The following COIL variants were observed in gnomAD, a reference collection of about 807,000 sequenced individuals.
COIL encodes the protein coilin.
COIL carries 28 observed loss-of-function variants against 51.6 expected under a neutral mutation model. The ratio of observed to expected loss-of-function variants is 0.54; its 90% CI spans 0.40 to 0.74. COIL has a LOEUF of 0.74. Among genes scored for constraint, COIL ranks in the 30% least tolerant of loss-of-function variants. The pLI, the probability that COIL is intolerant of heterozygous loss-of-function variation, is 0.00. For synonymous variants in COIL, 233 were observed against 255.8 expected (o/e 0.91, Z 0.85); for missense variants, 667 against 685.9 (o/e 0.97, Z 0.31).
rs768484048 is a variant in COIL at position 56,960,920 on chromosome 17, T to G, written c.100A>C (p.Arg34=). ...ATGAGATCTGTGACGACTCGGCATC[T>G]GTTCAAGTCGACCAGAAGCCAGAAG... ...TAFWLLVDLN[R]CRVVTDLISL... is the part of the protein sequence containing the mutation. The change falls in exon 1 of 7, where the codon AGA becomes CGA. Residue 34 remains arginine, a synonymous_variant. Transcript: ENST00000240316. The G allele has an allele frequency of 6.2e-7, 1 of 1,614,184 alleles. No individual in the cohort carries two copies.
intron 4 of COIL, 90 bp downstream of exon 4, chr17:56,949,297 A>T (rs887169535): frequency 3.9e-6 from 4 of 1,024,164 alleles, no homozygotes; most frequent in African/African-American, 3.4e-5. Context: ...TAGTAAAAAA[A>T]CAAATCTGTA....
intron 1 of COIL, among the ~76,000 whole-genome samples, chr17:56,953,782 T>C (rs3785474): frequency 6.6e-6 from 1 of 152,036 alleles, no homozygotes; most frequent in Non-Finnish European, 1.5e-5. Context: ...AAACTAACTA[T>C]ACAGACAAAC....
intron 1 of COIL, among the ~76,000 whole-genome samples, chr17:56,958,088 C>A (rs1268456160): frequency 1.3e-5 from 2 of 152,230 alleles, no homozygotes; most frequent in African/African-American, 4.8e-5. Context: ...CCAAGTCCAG[C>A]CAGCTTTTGT....
intron 6 of COIL, among the ~76,000 whole-genome samples, chr17:56,941,462 C>T (rs1910146451): frequency 6.6e-6 from 1 of 152,132 alleles, no homozygotes; most frequent in Admixed American, 6.5e-5. Context: ...TCTAGCTACT[C>T]CAGAGGCTGA....
chr17:56,939,687 C>T (rs986231538), intron 6 of COIL, among the ~76,000 whole-genome samples: 3 of 152,010 alleles, frequency 2.0e-5, no homozygotes, highest in African/African-American at 4.8e-5. Context: ...TTGCAGTGAG[C>T]GGAGATCGCG....
At chr17:56,951,138 C>T in intron 1 of COIL, 142 bp from the exon 2 acceptor site, 1 of 819,598 alleles carries the variant, frequency 1.2e-6, no homozygotes, top group Non-Finnish European at 1.8e-6. Flanking sequence ...AGACAAAAGA[C>T]TCTTTCTGGC....
intron 6 of COIL, 138 bp from the exon 7 acceptor site, chr17:56,939,292 T>C (rs895805518): frequency 6.5e-6 from 4 of 619,788 alleles, no homozygotes; most frequent in African/African-American, 1.9e-5. Context: ...CTGAGTTCAA[T>C]TGCAGTATAG....
At chr17:56,949,804 G>A in intron 2 of COIL, 37 bp from the exon 3 acceptor site, 1 of 1,610,284 alleles carries the variant, frequency 6.2e-7, no homozygotes, top group Non-Finnish European at 8.5e-7. Context: ...ATCATCACTG[G>A]TGAGAAAATG....
rs1364230175 is a variant in COIL at position 56,946,530 on chromosome 17, CAAGTCA to C, written c.1489-25_1489-20del. On this transcript the variant is annotated intron_variant, in intron 4 of 6. Transcript: ENST00000240316. Reference sequence around the variant, plus strand: ...TTCCTTCCTTTCAAAAATAAAAGTCCAAGTCAAAATCAACATGTAAAACACTGTGAA... The same window carrying C: ...TTCCTTCCTTTCAAAAATAAAAGTCCAAATCAACATGTAAAACACTGTGAA... The C allele has an allele frequency of 5.8e-6, 9 of 1,565,012 alleles. No individual in the cohort carries two copies. Among genetic ancestry groups the C allele is most frequent in the Non-Finnish European group, 7.0e-6 (8 of 1,137,870 alleles).
At chr17:56,952,207 A>T in intron 1 of COIL, 1 of 500,760 alleles carries the variant, frequency 2.0e-6, no homozygotes, top group Non-Finnish European at 4.0e-6. Flanking sequence ...TGTGAACCTC[A>T]CAGGCAGGCT....
At chr17:56,939,907 C>G (rs1352878607) in intron 6 of COIL, 1 of 152,016 alleles carries the variant, frequency 6.6e-6, no homozygotes, top group Non-Finnish European at 1.5e-5. Context: ...GGACAGGTGG[C>G]CTGGAGACCT....
chr17:56,952,777 C>T (rs1362769667), intron 1 of COIL, among the ~76,000 whole-genome samples: 2 of 151,216 alleles, frequency 1.3e-5, no homozygotes, highest in Non-Finnish European at 2.9e-5. Flanking sequence ...AATCCCATGT[C>T]TGTGAGTGAG....
At chr17:56,948,327 G>A (rs1238606250) in intron 4 of COIL, among the ~76,000 whole-genome samples, 1 of 151,374 alleles carries the variant, frequency 6.6e-6, no homozygotes, top group African/African-American at 2.4e-5. Flanking sequence ...TTTTACTAGA[G>A]ACGGGGTTTC....
In COIL at chr17:56,961,045, A is replaced by G; in HGVS notation, c.-26T>C. On this transcript the variant is annotated 5_prime_UTR_variant, in exon 1 of 7. Coordinates refer to ENST00000240316, the MANE Select transcript of COIL (RefSeq NM_004645.3). Reference sequence around the variant, plus strand: ...CTTGCTTGGTGCTCAACGGAAGCCGAGAGATACCACGGGGCCACCGAGAGG... The same window carrying G: ...CTTGCTTGGTGCTCAACGGAAGCCGGGAGATACCACGGGGCCACCGAGAGG... 6.3e-7 allele frequency: 1 copy of G among 1,594,414 alleles called. No homozygotes were observed. Among genetic ancestry groups the G allele is most frequent in the East Asian group, 2.3e-5 (1 of 44,186 alleles).
At chr17:56,941,788 G>A (rs1484662799) in intron 6 of COIL, among the ~76,000 whole-genome samples, 5 of 152,118 alleles carry the variant, frequency 3.3e-5, no homozygotes, top group Non-Finnish European at 7.4e-5. Context: ...CTTTCCTACT[G>A]GAATCCTTAT....
rs1567856287 is a variant in COIL at position 56,960,961 on chromosome 17, GTAGC to G, written c.55_58del (p.Ala19ProfsTer13). On this transcript the variant is annotated frameshift_variant, in exon 1 of 7. Coordinates refer to ENST00000240316, the MANE Select transcript of COIL (RefSeq NM_004645.3). LOFTEE classifies it high-confidence loss of function. ...AAGCCAGAAGGCCGTACAGTGCGGG[GTAGC>G]TGGCGGCGGGTAATCAAATTGAAGC... 3 of 1,614,196 alleles carry G rather than the reference GTAGC, an allele frequency of 1.9e-6. No individual in the cohort carries two copies.
chr17:56,949,337 T>G (rs1277009357), intron 4 of COIL, 50 bp downstream of exon 4: 7 of 1,442,364 alleles, frequency 4.9e-6, no homozygotes, highest in Middle Eastern at 3.6e-4. Context: ...TAAATATGAC[T>G]TTAGTTTTAA....
At position 56,938,474 on chromosome 17, in the gene COIL, T is replaced by C. The variant is rs909635102; in HGVS notation, c.*597A>G. On this transcript the variant is annotated 3_prime_UTR_variant, in exon 7 of 7. Coordinates refer to ENST00000240316, the MANE Select transcript of COIL (RefSeq NM_004645.3). Reference sequence around the variant, plus strand: ...GGCATACACACACATACGCACATCTTATTTTCACTGCTCTACACAGGGACC... The same window carrying C: ...GGCATACACACACATACGCACATCTCATTTTCACTGCTCTACACAGGGACC... 2.0e-5 allele frequency: 3 copies of C among 152,094 alleles called. No individual in the cohort carries two copies. Among genetic ancestry groups the C allele is most frequent in the Non-Finnish European group, 2.9e-5 (2 of 68,062 alleles). The allele number at this position is 152,094 out of a possible 1,614,324, so 9.4% of individuals were successfully genotyped here. A position where few individuals can be genotyped will look rare whatever the true frequency, so the allele number is the denominator to read the frequency against.
intron 5 of COIL, among the ~76,000 whole-genome samples, chr17:56,943,030 G>C (rs1418029516): frequency 1.3e-5 from 2 of 152,110 alleles, no homozygotes; most frequent in Admixed American, 6.5e-5. Context: ...AATTACATTA[G>C]GAACACTAAG....
Sources: allele counts gnomAD v4.1 joint callset (sites outside exome capture counted in the v4.1 genomes callset), GRCh38; gene constraint gnomAD v4.1.1; transcripts MANE v1.5; gene names NCBI Gene and HGNC (gene_info 2026-07-23, HGNC 2026-07-21).